Variants in LINGO2 observed in about 807,000 individuals in gnomAD.
The protein encoded by LINGO2 is leucine-rich repeat and immunoglobulin-like domain-containing nogo receptor-interacting protein 2.
In LINGO2, 14 loss-of-function variants were observed where a neutral mutation model predicts 30.6. That is an observed-to-expected ratio of 0.46 (90% CI 0.30 to 0.72). The LOEUF is 0.72. Among genes scored for constraint, LINGO2 ranks in the 30% least tolerant of loss-of-function variants. The pLI is 0.07. For synonymous variants in LINGO2, 317 were observed against 288.5 expected, an observed-to-expected ratio of 1.10 and a Z score of -1.00; for missense variants, 729 against 751.7, an observed-to-expected ratio of 0.97 and a Z score of 0.35.
At chr9:28,497,999 G>A (rs1371873997) in intron 1 of LINGO2, among the ~76,000 whole-genome samples, 1 of 152,174 alleles carries the variant, frequency 6.6e-6, no homozygotes, top group Non-Finnish European at 1.5e-5. Context: ...AAATGTTGCT[G>A]CCTGATCGTT....
chr9:28,547,458 A>C (rs969594653), intron 1 of LINGO2, among the ~76,000 whole-genome samples: 2 of 152,166 alleles, frequency 1.3e-5, no homozygotes, highest in Admixed American at 6.5e-5. Context: ...AACTAGAGAT[A>C]GCAACTTTGC....
chr9:28,126,042 C>A (rs912486568), intron 4 of LINGO2, among the ~76,000 whole-genome samples: 2 of 152,150 alleles, frequency 1.3e-5, no homozygotes, highest in Non-Finnish European at 2.9e-5. Context: ...GCCTTAAATA[C>A]TAAGCAGCTC....
intron 4 of LINGO2, among the ~76,000 whole-genome samples, chr9:28,051,008 G>T (rs1434401460): frequency 6.6e-6 from 1 of 150,942 alleles, no homozygotes; most frequent in Non-Finnish European, 1.5e-5. Context: ...AAGGATGGTT[G>T]AAACAAAGTT....
At chr9:28,594,493 C>T (rs142075909) in intron 1 of LINGO2, among the ~76,000 whole-genome samples, 1,526 of 152,128 alleles carry the variant, frequency 0.01, 24 homozygotes, top group South Asian at 0.018. Context: ...TAAGGGGATG[C>T]CTAGTTGTAC....
At chr9:29,181,959 T>C in the LINGO2 span, among the ~76,000 whole-genome samples, 1 of 152,210 alleles carries the variant, frequency 6.6e-6, no homozygotes, top group African/African-American at 2.4e-5. Context: ...TTGAGGGCTG[T>C]TGACACTATG....
chr9:29,085,210 T>A, the LINGO2 span, among the ~76,000 whole-genome samples: 1 of 148,866 alleles, frequency 6.7e-6, no homozygotes. Context: ...ATTCCTCTTA[T>A]ATTCTCTAGG....
At chr9:28,368,175 AT>A (rs927637341) in intron 3 of LINGO2, among the ~76,000 whole-genome samples, 1 of 151,226 alleles carries the variant, frequency 6.6e-6, no homozygotes, top group African/African-American at 2.4e-5. Context: ...GCATTGTCTT[AT>A]TTTTTTTCTG....
intron 1 of LINGO2, among the ~76,000 whole-genome samples, chr9:28,613,038 CCT>C (rs796401250): frequency 4.6e-5 from 7 of 152,050 alleles, no homozygotes; most frequent in African/African-American, 1.7e-4. Context: ...TTTGGTAGTT[CCT>C]CCGGTGTTCA....
chr9:28,913,062 T>C, the LINGO2 span, among the ~76,000 whole-genome samples: 1 of 152,150 alleles, frequency 6.6e-6, no homozygotes, highest in Non-Finnish European at 1.5e-5. Flanking sequence ...ATTTCCTCTG[T>C]ACAGTTTACA....
the LINGO2 span, among the ~76,000 whole-genome samples, chr9:28,920,520 C>CATT: frequency 6.6e-6 from 1 of 152,120 alleles, no homozygotes; most frequent in Admixed American, 6.6e-5. Flanking sequence ...TAGAAACTAT[C>CATT]ATTACCCTTT....
chr9:28,732,782 A>C, the LINGO2 span, among the ~76,000 whole-genome samples: 10 of 152,180 alleles, frequency 6.6e-5, no homozygotes, highest in African/African-American at 2.4e-4. Flanking sequence ...TCCTCTATAA[A>C]TATCAATTAG....
At chr9:28,898,439 A>G in the LINGO2 span, among the ~76,000 whole-genome samples, 1 of 152,184 alleles carries the variant, frequency 6.6e-6, no homozygotes, top group Non-Finnish European at 1.5e-5. Context: ...TCTGTTCAAG[A>G]ATGAAGAAAC....
At chr9:28,226,683 G>C (rs1455751547) in intron 4 of LINGO2, among the ~76,000 whole-genome samples, 1 of 94,274 alleles carries the variant, frequency 1.1e-5, no homozygotes, top group Non-Finnish European at 2.0e-5. Context: ...AAGAAAGAAA[G>C]AAAGAAAGAA....
chr9:29,206,478 T>C, the LINGO2 span, among the ~76,000 whole-genome samples: 17 of 152,332 alleles, frequency 1.1e-4, no homozygotes, highest in Admixed American at 3.9e-4. Context: ...TATTGTGTTA[T>C]TTTGCATTGC....
At chr9:28,697,844 G>C in the LINGO2 span, among the ~76,000 whole-genome samples, 2 of 151,952 alleles carry the variant, frequency 1.3e-5, no homozygotes, top group Non-Finnish European at 2.9e-5. Context: ...CCTGGTTTTG[G>C]ACAAAAAATA....
At chr9:28,260,597 G>C (rs1025347744) in intron 4 of LINGO2, among the ~76,000 whole-genome samples, 6 of 151,822 alleles carry the variant, frequency 4.0e-5, no homozygotes, top group Non-Finnish European at 8.8e-5. Flanking sequence ...CACAGGTTTA[G>C]ATCTTGGTGG....
At chr9:28,977,001 G>C in the LINGO2 span, among the ~76,000 whole-genome samples, 1 of 152,216 alleles carries the variant, frequency 6.6e-6, no homozygotes, top group East Asian at 1.9e-4. Flanking sequence ...ATTTCAGTTA[G>C]CGTTTATAAA....
intron 4 of LINGO2, among the ~76,000 whole-genome samples, chr9:28,140,273 C>A (rs994011938): frequency 4.6e-5 from 7 of 152,178 alleles, no homozygotes; most frequent in Non-Finnish European, 8.8e-5. Flanking sequence ...TCTTTCCCCC[C>A]AAATTTCCGT....
At chr9:28,514,278 GA>G (rs1488938789) in intron 1 of LINGO2, among the ~76,000 whole-genome samples, 1 of 152,016 alleles carries the variant, frequency 6.6e-6, no homozygotes, top group Non-Finnish European at 1.5e-5. Flanking sequence ...GTGTTCAAGT[GA>G]AAAGAAGAGT....
Sources: allele counts gnomAD v4.1 joint callset (sites outside exome capture counted in the v4.1 genomes callset), GRCh38; gene constraint gnomAD v4.1.1; transcripts MANE v1.5; gene names NCBI Gene and HGNC (gene_info 2026-07-23, HGNC 2026-07-21).